Variants in GUCY1A1 observed in about 807,000 individuals in gnomAD.
The protein encoded by GUCY1A1 is guanylate cyclase 1 soluble subunit alpha 1, also known as guanylate cyclase soluble subunit alpha-1.
GUCY1A1 carries 48 observed loss-of-function variants against 64.5 expected under a neutral mutation model. That is an observed-to-expected ratio of 0.74 (90% confidence interval 0.59 to 0.95). The LOEUF is 0.95. GUCY1A1 is among the 40% of genes least tolerant of loss of function. The pLI is 0.00. For missense variants in GUCY1A1, 804 were observed against 825.3 expected (o/e 0.97, Z 0.32); for synonymous variants, 308 against 303.4 (o/e 1.02, Z -0.16).
intron 5 of GUCY1A1, among the ~76,000 whole-genome samples, chr4:155,709,881 G>C (rs1448271087): frequency 1.3e-5 from 2 of 152,036 alleles, no homozygotes; most frequent in African/African-American, 4.8e-5. Flanking sequence ...GTAACTCATG[G>C]CTTTTATGAT....
At chr4:155,708,920 G>A (rs1420658547) in intron 5 of GUCY1A1, among the ~76,000 whole-genome samples, 4 of 114,064 alleles carry the variant, frequency 3.5e-5, no homozygotes, top group Admixed American at 2.9e-4. Flanking sequence ...GAAAAAATGT[G>A]GTACTCAGAG....
chr4:155,668,759 G>A (rs1238467391), intron 2 of GUCY1A1, among the ~76,000 whole-genome samples: 1 of 152,102 alleles, frequency 6.6e-6, no homozygotes, highest in African/African-American at 2.4e-5. Flanking sequence ...TAGCAACGAC[G>A]ATGTAACCAA....
intron 2 of GUCY1A1, among the ~76,000 whole-genome samples, chr4:155,686,849 A>G (rs893797107): frequency 6.6e-6 from 1 of 152,226 alleles, no homozygotes; most frequent in African/African-American, 2.4e-5. Flanking sequence ...CATGCAACTT[A>G]TTATATAATA....
intron 9 of GUCY1A1, among the ~76,000 whole-genome samples, chr4:155,726,603 G>A (rs1299800488): frequency 6.6e-6 from 1 of 151,670 alleles, no homozygotes; most frequent in African/African-American, 2.4e-5. Context: ...CTGAAATACA[G>A]GTAAATTTAG....
chr4:155,698,866 G>A (rs1234824303), intron 3 of GUCY1A1, among the ~76,000 whole-genome samples: 1 of 152,054 alleles, frequency 6.6e-6, no homozygotes, highest in African/African-American at 2.4e-5. Context: ...TTTCAGTTCA[G>A]TTATTCTTTC....
rs1735984801 is a variant in GUCY1A1 at position 155,735,672 on chromosome 4, T to C, written c.*5441T>C. 6.6e-6 allele frequency: 1 copy of C among 152,128 alleles called. No homozygotes were observed. The highest frequency in any genetic ancestry group is 2.4e-5 in the African/African-American group (1 of 41,550). The allele number at this position is 152,128 out of a possible 1,614,324, so 9.4% of individuals were successfully genotyped here. ...AGTATCTGCTCAGATGTTTGTTCCA[T>C]CTGAAATGCTGCCAAATCCATCTGT... is the stretch of plus-strand genomic sequence containing the variant. On this transcript the variant is annotated 3_prime_UTR_variant, in exon 10 of 10. Coordinates refer to ENST00000506455, the MANE Select transcript of GUCY1A1 (RefSeq NM_001130682.3).
Position 155,735,915 on chromosome 4 carries a change from G to T in GUCY1A1, c.*5684G>T, listed in dbSNP as rs1173575272. On this transcript the variant is annotated 3_prime_UTR_variant, in exon 10 of 10. Transcript: ENST00000506455. ...ATTCCCAGTGATACAGGGATGTGCA[G>T]CATCCAGACACTGCTTAATCACAGT... The T allele has an allele frequency of 6.6e-6, 1 of 151,950 alleles. No individual in the cohort carries two copies. Among genetic ancestry groups the T allele is most frequent in the Non-Finnish European group, 1.5e-5 (1 of 67,920 alleles). The allele number at this position is 151,950 out of a possible 1,614,324, so 9.4% of individuals were successfully genotyped here.
chr4:155,725,516 TTA>T (rs1431205274), intron 9 of GUCY1A1, among the ~76,000 whole-genome samples: 1 of 152,098 alleles, frequency 6.6e-6, no homozygotes, highest in Non-Finnish European at 1.5e-5. Flanking sequence ...AAGTGATGTG[TTA>T]TGTGTATATG....
In GUCY1A1 at chr4:155,710,639, C is replaced by T. The variant is rs759203514; in HGVS notation, c.474C>T (p.Thr158=). Reference sequence around the variant, plus strand: ...ACATCCTTGGGGTGGTTGGAGGCACCCTTAAAGATTTTTTAAACAGCTTCA... The same window carrying T: ...ACATCCTTGGGGTGGTTGGAGGCACTCTTAAAGATTTTTTAAACAGCTTCA... ...DENILGVVGG[T]LKDFLNSFST... Residue 158 remains threonine (T), a synonymous_variant, in exon 6 of 10, where the codon ACC becomes ACT. Coordinates refer to ENST00000506455, the MANE Select transcript of GUCY1A1 (RefSeq NM_001130682.3). 1.6e-5 allele frequency: 26 copies of T among 1,613,246 alleles called. No homozygotes were observed. In the Admixed American group the frequency reaches 2.0e-4, roughly 12 times the overall value.
At chr4:155,679,865 G>A (rs1265610666) in intron 2 of GUCY1A1, among the ~76,000 whole-genome samples, 2 of 151,908 alleles carry the variant, frequency 1.3e-5, no homozygotes, top group Admixed American at 6.6e-5. Context: ...TGATTTTATT[G>A]CCTTGACACC....
At chr4:155,690,086 C>T (rs1002053134) in intron 2 of GUCY1A1, among the ~76,000 whole-genome samples, 1 of 152,188 alleles carries the variant, frequency 6.6e-6, no homozygotes, top group African/African-American at 2.4e-5. Context: ...ATTGGAGTAA[C>T]CTAACTCCCA....
Position 155,730,035 on chromosome 4 carries a change from T to A in GUCY1A1, c.1877T>A (p.Leu626His). 6.3e-7 allele frequency: 1 copy of A among 1,591,044 alleles called. No individual in the cohort carries two copies. The highest frequency in any genetic ancestry group is 8.6e-7 in the Non-Finnish European group (1 of 1,159,740). ...TTATATTTTAATATTTTCAGATTAC[T>A]CAAAGACTGTCCTGGTTTCGTGTTT... ...INVSPTTYRL[L>H]KDCPGFVFTP... The change falls in exon 10 of 10, where the codon CTC (leucine) becomes CAC (histidine). Residue 626 changes from leucine (L) to histidine (H), a missense_variant. Physicochemically the swap from Leu to His is moderately conservative, Grantham distance 99. Coordinates refer to ENST00000506455, the MANE Select transcript of GUCY1A1 (RefSeq NM_001130682.3).
chr4:155,705,273 A>G (rs1317838222), intron 4 of GUCY1A1, among the ~76,000 whole-genome samples: 1 of 152,246 alleles, frequency 6.6e-6, no homozygotes, highest in African/African-American at 2.4e-5. Flanking sequence ...AAAATGTAAT[A>G]GGGGCCAGGC....
At chr4:155,671,753 T>G (rs1734169824) in intron 2 of GUCY1A1, among the ~76,000 whole-genome samples, 1 of 152,100 alleles carries the variant, frequency 6.6e-6, no homozygotes, top group Non-Finnish European at 1.5e-5. Flanking sequence ...ATTTTTTACC[T>G]CTTAGAGTAT....
chr4:155,671,455 T>G (rs1734133326), intron 2 of GUCY1A1, among the ~76,000 whole-genome samples: 1 of 152,198 alleles, frequency 6.6e-6, no homozygotes, highest in Non-Finnish European at 1.5e-5. Context: ...GGAGGATACT[T>G]TGTGCAGCTA....
At chr4:155,712,556 A>C (rs1265625623) in intron 6 of GUCY1A1, among the ~76,000 whole-genome samples, 1 of 152,144 alleles carries the variant, frequency 6.6e-6, no homozygotes, top group African/African-American at 2.4e-5. Flanking sequence ...CGACAGAAAA[A>C]AAAATTAAGA....
In GUCY1A1 at chr4:155,706,022, C is replaced by T. The variant is rs567478339; in HGVS notation, c.317+2029C>T. Among the ~76,000 whole-genome samples, 3 of 152,328 alleles carry T rather than the reference C, an allele frequency of 2.0e-5. No homozygotes were observed. The South Asian group carries it at 6.2e-4, about 32-fold the overall frequency. On this transcript the variant is annotated intron_variant, in intron 4 of 9. Transcript: ENST00000506455. ...AGCCAGTTTACTCAAAATTTATTCT[C>T]AGGGCTTTGTGTTCTGAATCGTTCC...
At chr4:155,688,839 A>T (rs946547992) in intron 2 of GUCY1A1, among the ~76,000 whole-genome samples, 2 of 152,150 alleles carry the variant, frequency 1.3e-5, no homozygotes, top group East Asian at 3.8e-4. Context: ...GTTTAGTTAA[A>T]AGATACATTG....
In GUCY1A1 at chr4:155,717,298, T is replaced by C; in HGVS notation, c.1712T>C (p.Ile571Thr). The change falls in exon 8 of 10, where the codon ATC becomes ACC. Residue 571 changes from isoleucine to threonine, a missense_variant. Transcript: ENST00000506455. Reference protein sequence around the residue: ...DEVMSPHGEPIKMRIGLHSGS... With the variant: ...DEVMSPHGEPTKMRIGLHSGS... ...GTTATGTCTCCCCATGGAGAACCTA[T>C]CAAGGTAAGGCAGATGATATATTGT... 1.3e-6 allele frequency: 2 copies of C among 1,584,130 alleles called. No homozygotes were observed. The highest frequency in any genetic ancestry group is 2.3e-5 in the South Asian group (2 of 85,988).
Sources: gnomAD v4.1 joint callset for allele counts (sites outside exome capture counted in the v4.1 genomes callset) on GRCh38, gnomAD v4.1.1 for gene constraint, MANE v1.5 for transcripts, NCBI Gene and HGNC (gene_info 2026-07-23, HGNC 2026-07-21) for gene names.